Variants in RERE observed in about 807,000 individuals in gnomAD.
The protein encoded by RERE is arginine-glutamic acid dipeptide repeats.
RERE carries 40 observed loss-of-function variants against 146.1 expected under a neutral mutation model. The observed-to-expected ratio is 0.27, with a 90% confidence interval of 0.21 to 0.36. RERE has a LOEUF of 0.36. Among genes scored for constraint, RERE ranks in the 10% least tolerant of loss-of-function variants. The pLI is 1.00. For missense variants in RERE, 1,933 were observed against 2,138.7 expected (o/e 0.90, Z 1.90); for synonymous variants, 1,003 against 866.0 (o/e 1.16, Z -2.78).
intron 1 of RERE, among the ~76,000 whole-genome samples, chr1:8,801,352 C>A (rs561668082): frequency 1.4e-3 from 220 of 152,082 alleles, no homozygotes; most frequent in African/African-American, 5.1e-3. Context: ...TCACCGGAAC[C>A]TCCACCTCCC....
intron 11 of RERE, among the ~76,000 whole-genome samples, chr1:8,431,851 T>C (rs1644099971): frequency 6.6e-6 from 1 of 152,184 alleles, no homozygotes; most frequent in African/African-American, 2.4e-5. Flanking sequence ...TGTGGCCCTA[T>C]TTCTGTCAGC....
At chr1:8,532,708 C>T (rs1645673118) in intron 7 of RERE, among the ~76,000 whole-genome samples, 1 of 152,172 alleles carries the variant, frequency 6.6e-6, no homozygotes, top group African/African-American at 2.4e-5. Flanking sequence ...AATTCTCCTG[C>T]CTCAGCCTCC....
chr1:8,499,473 CCAGGGAATGCTG>C lies in RERE; in HGVS notation c.880-1956_880-1945del, dbSNP rs372836143. Among the ~76,000 whole-genome samples, 807 of 152,262 alleles carry C rather than the reference CCAGGGAATGCTG, an allele frequency of 5.3e-3. 5 individuals carry two copies. Among genetic ancestry groups the C allele is most frequent in the African/African-American group, 0.019 (788 of 41,548 alleles). On this transcript the variant is annotated intron_variant, in intron 8 of 22. Transcript: ENST00000400908. ...GGAAATGGAGATAGAACCGCCCCAT[CCAGGGAATGCTG>C]CCACACAGGAATGGGACCCAGTGTG...
chr1:8,434,400 TG>T (rs1644139243), intron 11 of RERE, among the ~76,000 whole-genome samples: 1 of 152,236 alleles, frequency 6.6e-6, no homozygotes, highest in Non-Finnish European at 1.5e-5. Flanking sequence ...CTCATATTAC[TG>T]ATGAGGACCA....
chr1:8,414,060 A>AAAAG (rs1371872926), intron 12 of RERE, among the ~76,000 whole-genome samples: 1 of 149,266 alleles, frequency 6.7e-6, no homozygotes, highest in East Asian at 2.0e-4. Flanking sequence ...CATCTCAAAA[A>AAAAG]AAAAAAAAAA....
At chr1:8,699,209 C>T (rs780682959) in intron 1 of RERE, among the ~76,000 whole-genome samples, 6 of 152,148 alleles carry the variant, frequency 3.9e-5, no homozygotes, top group African/African-American at 7.2e-5. Context: ...TAAAGCATTT[C>T]GTAAACCCTC....
intron 10 of RERE, among the ~76,000 whole-genome samples, chr1:8,471,493 G>A (rs562399140): frequency 3.4e-5 from 5 of 147,960 alleles, no homozygotes; most frequent in Non-Finnish European, 5.9e-5. Flanking sequence ...TAGAAATAGG[G>A]TTTTGCCATG....
At chr1:8,575,705 T>A (rs1646286781) in intron 4 of RERE, among the ~76,000 whole-genome samples, 1 of 151,814 alleles carries the variant, frequency 6.6e-6, no homozygotes, top group Non-Finnish European at 1.5e-5. Context: ...AAGAAATAAC[T>A]TTATAATTAA....
At chr1:8,377,680 T>G (rs1362016724) in intron 12 of RERE, among the ~76,000 whole-genome samples, 1 of 152,214 alleles carries the variant, frequency 6.6e-6, no homozygotes, top group African/African-American at 2.4e-5. Context: ...TCATTATATG[T>G]GCAATCTTAT....
chr1:8,535,170 G>A (rs780826975), intron 7 of RERE, among the ~76,000 whole-genome samples: 2 of 152,122 alleles, frequency 1.3e-5, no homozygotes, highest in Non-Finnish European at 2.9e-5. Flanking sequence ...TAACAATAAC[G>A]CAAACTGAGG....
At chr1:8,613,702 G>A (rs1269392038) in intron 4 of RERE, among the ~76,000 whole-genome samples, 1 of 152,014 alleles carries the variant, frequency 6.6e-6, no homozygotes, top group Non-Finnish European at 1.5e-5. Context: ...TATGAACTGG[G>A]GCACCACAGT....
intron 11 of RERE, among the ~76,000 whole-genome samples, chr1:8,449,353 C>G (rs771070535): frequency 6.6e-6 from 1 of 152,156 alleles, no homozygotes; most frequent in Non-Finnish European, 1.5e-5. Flanking sequence ...GCCGGCTAGA[C>G]AGAGCCCCAT....
chr1:8,373,670 G>A (rs1014194316), intron 12 of RERE, among the ~76,000 whole-genome samples: 5 of 152,200 alleles, frequency 3.3e-5, no homozygotes, highest in Admixed American at 3.3e-4. Context: ...GCCCTAACTG[G>A]AGTGCTCCAA....
intron 12 of RERE, among the ~76,000 whole-genome samples, chr1:8,399,835 A>G (rs1643187316): frequency 6.6e-6 from 1 of 151,220 alleles, no homozygotes; most frequent in African/African-American, 2.4e-5. Context: ...TTTGCATATC[A>G]TTTGTTGTAC....
intron 4 of RERE, among the ~76,000 whole-genome samples, chr1:8,578,689 A>G (rs868311356): frequency 9.9e-5 from 15 of 152,078 alleles, no homozygotes; most frequent in African/African-American, 3.6e-4. Flanking sequence ...CTCACCTTTC[A>G]AGTGTCAAGG....
chr1:8,471,639 A>T (rs774215650), intron 10 of RERE, among the ~76,000 whole-genome samples: 3 of 151,614 alleles, frequency 2.0e-5, no homozygotes, highest in Admixed American at 2.0e-4. Flanking sequence ...CAGCCTCCCA[A>T]GTAGCTCAGC....
At chr1:8,637,286 T>C (rs1297489353) in intron 2 of RERE, among the ~76,000 whole-genome samples, 1 of 152,140 alleles carries the variant, frequency 6.6e-6, no homozygotes, top group African/African-American at 2.4e-5. Flanking sequence ...GTTGCACAAG[T>C]AGGAATAAGT....
intron 2 of RERE, among the ~76,000 whole-genome samples, chr1:8,650,895 C>CA (rs35561280): frequency 0.59 from 85,766 of 144,660 alleles, 25,816 homozygotes; most frequent in East Asian, 0.83. Flanking sequence ...GACTCCATCT[C>CA]AAAAAAAAAT....
intron 1 of RERE, among the ~76,000 whole-genome samples, chr1:8,805,320 C>G (rs943166804): frequency 2.6e-5 from 4 of 152,040 alleles, no homozygotes; most frequent in Non-Finnish European, 5.9e-5. Context: ...CCAGAACAAC[C>G]TAGCCAATAT....
Sources: gnomAD v4.1 joint callset for allele counts (sites outside exome capture counted in the v4.1 genomes callset) on GRCh38, gnomAD v4.1.1 for gene constraint, MANE v1.5 for transcripts, NCBI Gene and HGNC (gene_info 2026-07-23, HGNC 2026-07-21) for gene names.